Variants in TENM2 observed in about 807,000 individuals in gnomAD.
TENM2 encodes teneurin transmembrane protein 2, also known as teneurin-2.
Under a neutral mutation model 245.2 loss-of-function variants are expected in TENM2, and 52 were observed. The ratio of observed to expected loss-of-function variants is 0.21; its 90% CI spans 0.17 to 0.27. The LOEUF (loss-of-function observed/expected upper bound fraction) is 0.27. Ranked by LOEUF, TENM2 falls within the 10% of genes least tolerant of loss-of-function variation. The pLI is 1.00. For missense variants in TENM2, 3,046 were observed against 3,666.8 expected, an observed-to-expected ratio of 0.83 and a Z score of 4.37; for synonymous variants, 1,363 against 1,438.9, an observed-to-expected ratio of 0.95 and a Z score of 1.19.
chr5:167,514,202 C>G (rs1770157386), intron 2 of TENM2, among the ~76,000 whole-genome samples: 1 of 152,156 alleles, frequency 6.6e-6, no homozygotes. Flanking sequence ...TGTTTACTAC[C>G]TACTTTTCAA....
chr5:167,445,216 C>G (rs1467738042), intron 2 of TENM2, among the ~76,000 whole-genome samples: 3 of 151,270 alleles, frequency 2.0e-5, no homozygotes, highest in African/African-American at 7.3e-5. Context: ...AATGCATTGT[C>G]TAGAGCATTC....
chr5:167,882,508 C>T (rs529367749), intron 3 of TENM2, among the ~76,000 whole-genome samples: 6 of 152,264 alleles, frequency 3.9e-5, no homozygotes, highest in Non-Finnish European at 7.4e-5. Context: ...AAGAAACACC[C>T]GACACTGGGT....
intron 19 of TENM2, among the ~76,000 whole-genome samples, chr5:168,207,000 A>T (rs1044946367): frequency 6.6e-6 from 1 of 151,946 alleles, no homozygotes; most frequent in Non-Finnish European, 1.5e-5. Context: ...ACCACATCAC[A>T]TCCACCTGCA....
chr5:167,212,791 C>T, the TENM2 span, among the ~76,000 whole-genome samples: 1 of 152,188 alleles, frequency 6.6e-6, no homozygotes, highest in Non-Finnish European at 1.5e-5. Context: ...ACATATGCCA[C>T]CCACACCAGA....
At chr5:167,770,777 A>G (rs1433685245) in intron 2 of TENM2, among the ~76,000 whole-genome samples, 3 of 152,166 alleles carry the variant, frequency 2.0e-5, no homozygotes, top group Non-Finnish European at 2.9e-5. Context: ...ACGGGATACA[A>G]CACAGTAAAC....
intron 12 of TENM2, among the ~76,000 whole-genome samples, chr5:168,149,268 G>A (rs1385145869): frequency 3.3e-5 from 5 of 152,122 alleles, no homozygotes; most frequent in Admixed American, 1.3e-4. Flanking sequence ...GCGGCACGAT[G>A]CTCCCCTGTC....
intron 5 of TENM2, among the ~76,000 whole-genome samples, chr5:168,025,983 G>A (rs1391892927): frequency 2.0e-5 from 3 of 152,106 alleles, no homozygotes; most frequent in Non-Finnish European, 2.9e-5. Context: ...CTTGCGATGG[G>A]GAACTGGGAA....
At chr5:167,849,212 G>A (rs1393557602) in intron 2 of TENM2, among the ~76,000 whole-genome samples, 1 of 151,986 alleles carries the variant, frequency 6.6e-6, no homozygotes, top group African/African-American at 2.4e-5. Context: ...ATCTGCTTCT[G>A]TGGTCATATC....
At chr5:168,047,009 T>G (rs1788662523) in intron 5 of TENM2, among the ~76,000 whole-genome samples, 1 of 152,164 alleles carries the variant, frequency 6.6e-6, no homozygotes, top group South Asian at 2.1e-4. Flanking sequence ...AGTGTATAGT[T>G]TGGGGAAACA....
chr5:167,011,939 G>T, the TENM2 span, among the ~76,000 whole-genome samples: 1 of 152,162 alleles, frequency 6.6e-6, no homozygotes, highest in Non-Finnish European at 1.5e-5. Context: ...AAGGCATATT[G>T]TCGTGTAGGT....
chr5:167,855,204 A>G (rs1274726671), intron 2 of TENM2, among the ~76,000 whole-genome samples: 1 of 151,858 alleles, frequency 6.6e-6, no homozygotes. Flanking sequence ...TGTTGGTGCT[A>G]TTTCTTGTGC....
At chr5:167,823,712 G>A (rs945949293) in intron 2 of TENM2, among the ~76,000 whole-genome samples, 1 of 152,276 alleles carries the variant, frequency 6.6e-6, no homozygotes, top group Non-Finnish European at 1.5e-5. Flanking sequence ...AAAAATCGTT[G>A]TGACAGTTGC....
chr5:168,229,329 T>A (rs184055541), intron 25 of TENM2, among the ~76,000 whole-genome samples: 160 of 151,256 alleles, frequency 1.1e-3, no homozygotes, highest in Admixed American at 0.01. Flanking sequence ...TCCGTGGTCA[T>A]CCAGAGCTTC....
At chr5:167,238,271 G>A in the TENM2 span, among the ~76,000 whole-genome samples, 1 of 150,660 alleles carries the variant, frequency 6.6e-6, no homozygotes, top group East Asian at 1.9e-4. Context: ...AGGCTATAAT[G>A]TGATTGACAA....
chr5:167,908,194 A>C (rs1239820257), intron 3 of TENM2, among the ~76,000 whole-genome samples: 2 of 152,148 alleles, frequency 1.3e-5, no homozygotes, highest in Non-Finnish European at 2.9e-5. Context: ...ACATTCTGTT[A>C]GTAACAGATG....
intron 1 of TENM2, among the ~76,000 whole-genome samples, chr5:167,328,288 C>G (rs957272489): frequency 1.1e-4 from 16 of 141,358 alleles, no homozygotes; most frequent in Non-Finnish European, 4.5e-5. Context: ...CTCACTGCAA[C>G]CTCTGTCTCC....
chr5:167,992,038 T>C (rs1480432129), intron 4 of TENM2, among the ~76,000 whole-genome samples: 1 of 151,756 alleles, frequency 6.6e-6, no homozygotes, highest in African/African-American at 2.4e-5. Flanking sequence ...CCAAACATCA[T>C]ATGTTCTCAC....
intron 13 of TENM2, among the ~76,000 whole-genome samples, chr5:168,181,007 G>C (rs1435260412): frequency 6.6e-6 from 1 of 152,198 alleles, no homozygotes; most frequent in East Asian, 1.9e-4. Flanking sequence ...AGGTAGTCAG[G>C]GAGCACACCT....
chr5:167,775,859 G>C (rs1763728850), intron 2 of TENM2, among the ~76,000 whole-genome samples: 1 of 152,138 alleles, frequency 6.6e-6, no homozygotes, highest in Non-Finnish European at 1.5e-5. Flanking sequence ...GCAAAATTAT[G>C]TTTAAATGAA....
Sources: gnomAD v4.1 joint callset for allele counts (sites outside exome capture counted in the v4.1 genomes callset) on GRCh38, gnomAD v4.1.1 for gene constraint, MANE v1.5 for transcripts, NCBI Gene and HGNC (gene_info 2026-07-23, HGNC 2026-07-21) for gene names.